Variants in SPTLC2 observed in about 807,000 individuals in gnomAD.
SPTLC2 encodes the protein serine palmitoyltransferase 2.
In SPTLC2, 21 loss-of-function variants were observed where a neutral mutation model predicts 62.0. The ratio of observed to expected loss-of-function variants is 0.34; its 90% CI spans 0.24 to 0.49. The LOEUF (loss-of-function observed/expected upper bound fraction) is 0.49. Ranked by LOEUF, SPTLC2 falls within the 20% of genes least tolerant of loss-of-function variation. SPTLC2 has a pLI of 0.99. For missense variants in SPTLC2, 511 were observed against 713.0 expected, an observed-to-expected ratio of 0.72 and a Z score of 3.23; for synonymous variants, 261 against 261.8, an observed-to-expected ratio of 1.00 and a Z score of 0.03.
chr14:77,556,717 A>C (rs542974959), intron 7 of SPTLC2, among the ~76,000 whole-genome samples: 2 of 126,474 alleles, frequency 1.6e-5, no homozygotes, highest in East Asian at 1.3e-3. Flanking sequence ...ATTAAAATTA[A>C]ATGGTGTGTA....
intron 1 of SPTLC2, among the ~76,000 whole-genome samples, chr14:77,601,612 G>T (rs1033033201): frequency 6.6e-6 from 1 of 152,104 alleles, no homozygotes; most frequent in Non-Finnish European, 1.5e-5. Flanking sequence ...GGACTCCTTC[G>T]GGAGACCAGT....
chr14:77,532,566 C>T (rs756108460), intron 9 of SPTLC2, among the ~76,000 whole-genome samples: 9 of 151,918 alleles, frequency 5.9e-5, no homozygotes, highest in Admixed American at 1.3e-4. Context: ...AGGTGGATCA[C>T]GAGGTCAGGA....
At chr14:77,565,242 CAAAAAAAAAAA>C (rs59356054) in intron 5 of SPTLC2, among the ~76,000 whole-genome samples, 62 of 33,714 alleles carry the variant, frequency 1.8e-3, no homozygotes, top group African/African-American at 4.7e-3. Context: ...AACTCCATCT[CAAAAAAAAAAA>C]AAAAAAAAAA....
At chr14:77,535,063 G>C (rs1399411509) in intron 9 of SPTLC2, among the ~76,000 whole-genome samples, 1 of 152,126 alleles carries the variant, frequency 6.6e-6, no homozygotes, top group Admixed American at 6.5e-5. Context: ...GAGTAGCTGG[G>C]ATTACAGGCA....
chr14:77,555,537 A>G lies in SPTLC2; in HGVS notation c.957-18T>C, dbSNP rs757928927. The G allele has an allele frequency of 1.2e-6, 2 of 1,610,126 alleles. No homozygotes were observed. The highest frequency in any genetic ancestry group is 2.7e-5 in the African/African-American group (2 of 74,816). On this transcript the variant is annotated intron_variant, in intron 7 of 11. Coordinates refer to ENST00000216484, the MANE Select transcript of SPTLC2 (RefSeq NM_004863.4). Reference sequence around the variant, plus strand: ...CCTCCATGCTGGCAAAACATGAAAAAATATATATATACACATATACACTGA... The same window carrying G: ...CCTCCATGCTGGCAAAACATGAAAAGATATATATATACACATATACACTGA...
At chr14:77,596,343 A>T (rs2079847432) in intron 2 of SPTLC2, among the ~76,000 whole-genome samples, 1 of 147,896 alleles carries the variant, frequency 6.8e-6, no homozygotes, top group African/African-American at 2.5e-5. Context: ...GTCTCAAAAA[A>T]AAAAAAAAAA....
At chr14:77,555,054 G>T in intron 8 of SPTLC2, 1 of 519,334 alleles carries the variant, frequency 1.9e-6, no homozygotes, top group East Asian at 3.6e-5. Flanking sequence ...CACACAAGAG[G>T]GTATTCTATA....
At chr14:77,540,981 T>G (rs945635955) in intron 9 of SPTLC2, among the ~76,000 whole-genome samples, 4 of 152,152 alleles carry the variant, frequency 2.6e-5, no homozygotes, top group Non-Finnish European at 5.9e-5. Context: ...TAAGGCAAAG[T>G]GTAACTGTAC....
intron 9 of SPTLC2, among the ~76,000 whole-genome samples, chr14:77,525,843 G>A (rs867544198): frequency 2.6e-5 from 4 of 152,184 alleles, no homozygotes; most frequent in Admixed American, 6.5e-5. Flanking sequence ...GAACCCAGGA[G>A]GCGGAGCTTG....
At chr14:77,537,944 C>T (rs1263237210) in intron 9 of SPTLC2, among the ~76,000 whole-genome samples, 1 of 152,182 alleles carries the variant, frequency 6.6e-6, no homozygotes, top group Non-Finnish European at 1.5e-5. Context: ...TCCGACCCTT[C>T]GGCTTAGCCT....
At chr14:77,550,809 C>G (rs10151907) in intron 9 of SPTLC2, among the ~76,000 whole-genome samples, 17,878 of 150,796 alleles carry the variant, frequency 0.12, 1,329 homozygotes, top group African/African-American at 0.22. Context: ...GAGGCTGAAA[C>G]AGGAGAATCA....
rs560131095 is a variant in SPTLC2, at chr14:77,591,745, C to T, written c.327+5441G>A. ...ATGTATGTATGTATTTATTTTTAGACGGAGTTTCTCTCTTGTTGCCCAGGC... is the reference window on the plus strand; with the variant it reads ...ATGTATGTATGTATTTATTTTTAGATGGAGTTTCTCTCTTGTTGCCCAGGC... On this transcript the variant is annotated intron_variant, in intron 2 of 11. Coordinates refer to ENST00000216484, the MANE Select transcript of SPTLC2 (RefSeq NM_004863.4). Among the ~76,000 whole-genome samples the T allele has an allele frequency of 1.1e-4, 8 of 74,512 alleles. No individual in the cohort carries two copies. In the East Asian group the frequency reaches 1.2e-3, roughly 11 times the overall value. The allele number at this position is 74,512 out of a possible 152,430, so 48.9% of individuals were successfully genotyped here.
rs376566050 is a variant in SPTLC2 at position 77,563,433 on chromosome 14, T to G, written c.757-944A>C. 1.1e-4 allele frequency among the ~76,000 whole-genome samples: 17 copies of G among 152,210 alleles called. No homozygotes were observed. The East Asian group carries it at 3.1e-3, about 28-fold the overall frequency. On this transcript the variant is annotated intron_variant, in intron 5 of 11. Coordinates refer to ENST00000216484, the MANE Select transcript of SPTLC2 (RefSeq NM_004863.4). ...TGTGTTCCATGAATACTATATTGTG[T>G]GTATGTGTGTGTGTGAGATGGAGTC... is the stretch of plus-strand genomic sequence containing the variant.
At chr14:77,551,060 A>G (rs1222470668) in intron 9 of SPTLC2, among the ~76,000 whole-genome samples, 1 of 152,128 alleles carries the variant, frequency 6.6e-6, no homozygotes, top group South Asian at 2.1e-4. Flanking sequence ...ATAATGTGAA[A>G]TCTTTTACAA....
intron 1 of SPTLC2, among the ~76,000 whole-genome samples, chr14:77,613,738 T>A (rs1436535185): frequency 1.3e-5 from 2 of 152,210 alleles, no homozygotes; most frequent in Non-Finnish European, 2.9e-5. Flanking sequence ...AGTAAAAGCA[T>A]GACACACAGC....
intron 9 of SPTLC2, among the ~76,000 whole-genome samples, chr14:77,531,443 T>TCTTCTTCTTCTTCTC (rs1478198521): frequency 0.019 from 2,424 of 130,250 alleles, 158 homozygotes; most frequent in African/African-American, 0.064. Context: ...TTCTTCTTCT[T>TCTTCTTCTTCTTCTC]CTCCTCCTTC....
In SPTLC2 at chr14:77,571,783, C is replaced by G. The variant is rs990915441; in HGVS notation, c.632-1275G>C. 7.9e-5 allele frequency among the ~76,000 whole-genome samples: 12 copies of G among 152,042 alleles called. No individual in the cohort carries two copies. The South Asian group carries it at 1.5e-3, about 18-fold the overall frequency. ...GTTGTGAGGATCAAAAGAGATAATA[C>G]GTTTGAGCTTTTTTTCTTTTTTTGA... is the stretch of plus-strand genomic sequence containing the variant. On this transcript the variant is annotated intron_variant, in intron 4 of 11. Coordinates refer to ENST00000216484, the MANE Select transcript of SPTLC2 (RefSeq NM_004863.4).
chr14:77,532,640 T>C (rs1015061740), intron 9 of SPTLC2, among the ~76,000 whole-genome samples: 13 of 151,598 alleles, frequency 8.6e-5, no homozygotes, highest in Non-Finnish European at 1.3e-4. Flanking sequence ...AAAAATTAGC[T>C]GGGTGTGGTG....
intron 9 of SPTLC2, among the ~76,000 whole-genome samples, chr14:77,530,316 T>TAA (rs34614752): frequency 2.0e-4 from 30 of 148,748 alleles, no homozygotes; most frequent in South Asian, 6.3e-4. Flanking sequence ...GGATCTTTTT[T>TAA]AAAAAAAAAA....
Sources: gnomAD v4.1 joint callset for allele counts (sites outside exome capture counted in the v4.1 genomes callset) on GRCh38, gnomAD v4.1.1 for gene constraint, MANE v1.5 for transcripts, NCBI Gene and HGNC (gene_info 2026-07-23, HGNC 2026-07-21) for gene names.